The following EGFR variants were observed in gnomAD, a reference collection of about 807,000 sequenced individuals.
The protein encoded by EGFR is epidermal growth factor receptor.
A neutral mutation model predicts 143.0 loss-of-function variants in EGFR; 58 were observed. The ratio of observed to expected loss-of-function variants is 0.41; its 90% CI spans 0.33 to 0.50. The LOEUF (loss-of-function observed/expected upper bound fraction) is 0.50. Ranked by LOEUF, EGFR falls within the 20% of genes least tolerant of loss-of-function variation. EGFR has a pLI of 0.39. For missense variants in EGFR, 1,307 were observed against 1,579.0 expected (o/e 0.83, Z 2.92); for synonymous variants, 613 against 594.4 (o/e 1.03, Z -0.45).
chr7:55,184,168 G>C (rs529547004), intron 20 of EGFR, among the ~76,000 whole-genome samples: 1 of 152,204 alleles, frequency 6.6e-6, no homozygotes, highest in Admixed American at 6.5e-5. Flanking sequence ...CTGGGAGGTA[G>C]GGAGGGCAGT....
intron 1 of EGFR, among the ~76,000 whole-genome samples, chr7:55,061,415 T>C (rs985461304): frequency 2.0e-5 from 3 of 152,200 alleles, no homozygotes; most frequent in African/African-American, 4.8e-5. Flanking sequence ...TCTGTATCAG[T>C]ACAATTCTCC....
intron 1 of EGFR, among the ~76,000 whole-genome samples, chr7:55,040,401 G>C (rs779294101): frequency 6.6e-6 from 1 of 152,138 alleles, no homozygotes; most frequent in Non-Finnish European, 1.5e-5. Context: ...TGGAAGATCT[G>C]CATGATTATA....
At chr7:55,135,379 G>A (rs530147092) in intron 1 of EGFR, among the ~76,000 whole-genome samples, 3 of 151,948 alleles carry the variant, frequency 2.0e-5, no homozygotes, top group African/African-American at 7.3e-5. Context: ...ATGGAAGATT[G>A]TCAGAAATTC....
chr7:55,099,140 G>A (rs946924956), intron 1 of EGFR, among the ~76,000 whole-genome samples: 1 of 152,156 alleles, frequency 6.6e-6, no homozygotes, highest in African/African-American at 2.4e-5. Context: ...CACACATCGT[G>A]GTGGTGGCTT....
At chr7:55,197,588 A>AT (rs767282395) in intron 22 of EGFR, among the ~76,000 whole-genome samples, 2 of 152,106 alleles carry the variant, frequency 1.3e-5, no homozygotes, top group Non-Finnish European at 2.9e-5. Context: ...TCTTGTGTCA[A>AT]TTTTCAAGGG....
At chr7:55,087,871 C>CT (rs1790859529) in intron 1 of EGFR, among the ~76,000 whole-genome samples, 1 of 152,146 alleles carries the variant, frequency 6.6e-6, no homozygotes, top group Non-Finnish European at 1.5e-5. Flanking sequence ...CTCCTCTTCT[C>CT]CTTTTGGAGT....
At chr7:55,039,670 G>A (rs1787793229) in intron 1 of EGFR, among the ~76,000 whole-genome samples, 3 of 152,158 alleles carry the variant, frequency 2.0e-5, no homozygotes, top group Admixed American at 2.0e-4. Context: ...AGAAGAGAAG[G>A]TCTGTGGATA....
At chr7:55,111,162 C>T (rs1299996531) in intron 1 of EGFR, among the ~76,000 whole-genome samples, 1 of 152,164 alleles carries the variant, frequency 6.6e-6, no homozygotes, top group Non-Finnish European at 1.5e-5. Flanking sequence ...GCGGTGTGTG[C>T]TCTCTCTGCC....
intron 15 of EGFR, chr7:55,170,422 T>A (rs2128950646): frequency 6.2e-7 from 1 of 1,613,822 alleles, no homozygotes; most frequent in Non-Finnish European, 8.5e-7. Flanking sequence ...TGCTCAGGAG[T>A]CATGCTTAGG....
At chr7:55,160,421 C>A in intron 12 of EGFR, 83 bp downstream of exon 12, 1 of 1,374,182 alleles carries the variant, frequency 7.3e-7, no homozygotes. Context: ...AGGGCTATTC[C>A]CATTTAAATT....
At chr7:55,118,646 T>C (rs1793016049) in intron 1 of EGFR, among the ~76,000 whole-genome samples, 1 of 152,168 alleles carries the variant, frequency 6.6e-6, no homozygotes, top group African/African-American at 2.4e-5. Flanking sequence ...AAATGTCATG[T>C]CCACTGGCAC....
At chr7:55,141,367 T>C (rs1054756476) in intron 1 of EGFR, among the ~76,000 whole-genome samples, 1 of 152,212 alleles carries the variant, frequency 6.6e-6, no homozygotes, top group Non-Finnish European at 1.5e-5. Context: ...TCCATTTCTA[T>C]GGTCCAACTT....
At chr7:55,169,919 C>G (rs988691800) in intron 15 of EGFR, among the ~76,000 whole-genome samples, 15 of 152,260 alleles carry the variant, frequency 9.9e-5, no homozygotes, top group Admixed American at 3.3e-4. Flanking sequence ...TGCCCTCCCT[C>G]TGCCGGGTGT....
At chr7:55,165,532 G>T (rs1175910392) in intron 15 of EGFR, 95 bp downstream of exon 15, 6 of 1,490,238 alleles carry the variant, frequency 4.0e-6, no homozygotes, top group Non-Finnish European at 5.4e-6. Flanking sequence ...AATTGCCGAG[G>T]TTTGTATTTG....
chr7:55,122,954 T>A (rs550843093), intron 1 of EGFR, among the ~76,000 whole-genome samples: 1 of 152,240 alleles, frequency 6.6e-6, no homozygotes, highest in African/African-American at 2.4e-5. Flanking sequence ...AATTGATGAA[T>A]TGATTAATTA....
intron 1 of EGFR, among the ~76,000 whole-genome samples, chr7:55,139,929 G>C (rs938937128): frequency 6.6e-6 from 1 of 151,974 alleles, no homozygotes; most frequent in Admixed American, 6.5e-5. Context: ...GAATATAAAA[G>C]TTATACATGC....
chr7:55,040,022 G>A (rs1787810733), intron 1 of EGFR, among the ~76,000 whole-genome samples: 1 of 152,110 alleles, frequency 6.6e-6, no homozygotes, highest in Non-Finnish European at 1.5e-5. Flanking sequence ...TGATGGTGAC[G>A]CAGAAATTCA....
intron 1 of EGFR, among the ~76,000 whole-genome samples, chr7:55,082,500 A>T (rs1266160830): frequency 6.6e-6 from 1 of 152,196 alleles, no homozygotes; most frequent in African/African-American, 2.4e-5. Flanking sequence ...GAGATTGCCT[A>T]GACACAAAAC....
chr7:55,205,743 A>G lies in EGFR; in HGVS notation c.*126A>G. On this transcript the variant is annotated 3_prime_UTR_variant, in exon 28 of 28. Coordinates refer to ENST00000275493, the MANE Select transcript of EGFR (RefSeq NM_005228.5). Reference sequence around the variant, plus strand: ...CTTAGACCCACAGACTGGTTTTGCAACGTTTACACCGACTAGCCAGGAAGT... The same window carrying G: ...CTTAGACCCACAGACTGGTTTTGCAGCGTTTACACCGACTAGCCAGGAAGT... 1 of 1,475,120 alleles carries G rather than the reference A, an allele frequency of 6.8e-7. No homozygotes were observed. Among genetic ancestry groups the G allele is most frequent in the Non-Finnish European group, 9.4e-7 (1 of 1,065,966 alleles). The allele number at this position is 1,475,120 out of a possible 1,614,324, so 91.4% of individuals were successfully genotyped here. A position where few individuals can be genotyped will look rare whatever the true frequency, so the allele number is the denominator to read the frequency against.
Sources: gnomAD v4.1 joint callset for allele counts (sites outside exome capture counted in the v4.1 genomes callset) on GRCh38, gnomAD v4.1.1 for gene constraint, MANE v1.5 for transcripts, NCBI Gene and HGNC (gene_info 2026-07-23, HGNC 2026-07-21) for gene names.